Variants in LDB2 observed in about 807,000 individuals in gnomAD.
The protein encoded by LDB2 is LIM domain-binding protein 2.
Under a neutral mutation model 44.3 loss-of-function variants are expected in LDB2, and 12 were observed. The ratio of observed to expected loss-of-function variants is 0.27; its 90% CI spans 0.17 to 0.44. The LOEUF (loss-of-function observed/expected upper bound fraction) is 0.44, where lower values mean the gene tolerates loss of function less well. Ranked by LOEUF, LDB2 falls within the 20% of genes least tolerant of loss-of-function variation. LDB2 has a pLI of 1.00. For synonymous variants in LDB2, 164 were observed against 174.8 expected (o/e 0.94, Z 0.49); for missense variants, 344 against 473.5 (o/e 0.73, Z 2.54).
rs747097456 is a variant in LDB2 at position 16,655,896 on chromosome 4, C to CTTTTTTTTTTT, written c.236-60032_236-60022dup. Among the ~76,000 whole-genome samples, 489 of 93,306 alleles carry CTTTTTTTTTTT rather than the reference C, an allele frequency of 5.2e-3. 35 individuals are homozygous for CTTTTTTTTTTT. Among genetic ancestry groups the CTTTTTTTTTTT allele is most frequent in the African/African-American group, 8.0e-3 (183 of 22,778 alleles). 61.2% of individuals were successfully genotyped at this position (93,306 alleles called of 152,430 possible). A position where few individuals can be genotyped will look rare whatever the true frequency, so the allele number is the denominator to read the frequency against. ...AAACGTTGGTTGTTCTGCAAGAAAA[C>CTTTTTTTTTTT]TTTTTTTTTTTTTTTTTTTTTGAGA... On this transcript the variant is annotated intron_variant, in intron 2 of 7. Transcript: ENST00000304523.
chr4:16,570,504 A>AAAAAAAAAAAAAAAAAAAAG (rs1560506195), intron 5 of LDB2, among the ~76,000 whole-genome samples: 1 of 143,004 alleles, frequency 7.0e-6, no homozygotes, highest in African/African-American at 2.7e-5. Flanking sequence ...AAAAAAAAAA[A>AAAAAAAAAAAAAAAAAAAAG]GTTTACATCT....
rs958336448 is a variant in LDB2, at chr4:16,685,398, G to GT, written c.235+73759dup. Among the ~76,000 whole-genome samples the GT allele has an allele frequency of 5.3e-5, 8 of 151,682 alleles. No individual in the cohort carries two copies. In the Middle Eastern group the frequency reaches 0.017, roughly 322 times the overall value. ...TTTTTTTTGTTTTGTTTTGTTTTTT[G>GT]TTTTTTTGTTTTGTTTTGTTTTGTT... On this transcript the variant is annotated intron_variant, in intron 2 of 7. Transcript: ENST00000304523.
intron 1 of LDB2, among the ~76,000 whole-genome samples, chr4:16,851,855 C>A (rs1248112924): frequency 6.6e-6 from 1 of 152,158 alleles, no homozygotes; most frequent in Non-Finnish European, 1.5e-5. Context: ...GAGAGAGGAT[C>A]AAAGTAAGGT....
chr4:16,666,690 C>A (rs1743330892), intron 2 of LDB2, among the ~76,000 whole-genome samples: 1 of 152,148 alleles, frequency 6.6e-6, no homozygotes, highest in Admixed American at 6.5e-5. Context: ...GAGACATGCC[C>A]TTGGAAAGAA....
intron 5 of LDB2, among the ~76,000 whole-genome samples, chr4:16,585,430 A>G (rs1179120747): frequency 6.6e-6 from 1 of 152,098 alleles, no homozygotes; most frequent in Non-Finnish European, 1.5e-5. Context: ...TCTTTTACCC[A>G]CCACCAAATC....
chr4:16,771,527 A>G (rs1226866287), intron 1 of LDB2, among the ~76,000 whole-genome samples: 2 of 152,154 alleles, frequency 1.3e-5, no homozygotes, highest in Non-Finnish European at 2.9e-5. Context: ...AACATGGCCA[A>G]AGCCAGATAT....
intron 7 of LDB2, among the ~76,000 whole-genome samples, chr4:16,505,596 T>TCAA (rs1719082915): frequency 6.6e-6 from 1 of 152,032 alleles, no homozygotes. Flanking sequence ...TGATTAGGGG[T>TCAA]TGTTAGCAAC....
chr4:16,852,404 C>T (rs759759534), intron 1 of LDB2, among the ~76,000 whole-genome samples: 31 of 152,142 alleles, frequency 2.0e-4, no homozygotes, highest in South Asian at 2.1e-4. Context: ...ATCTGCAATG[C>T]AATGAAGTGG....
chr4:16,538,272 G>C (rs1410402416), intron 5 of LDB2, among the ~76,000 whole-genome samples: 1 of 152,206 alleles, frequency 6.6e-6, no homozygotes, highest in Non-Finnish European at 1.5e-5. Context: ...AATCAAGACT[G>C]ACTTTGTGCG....
chr4:16,522,618 G>A (rs2152278831), intron 5 of LDB2, among the ~76,000 whole-genome samples: 1 of 152,154 alleles, frequency 6.6e-6, no homozygotes, highest in Non-Finnish European at 1.5e-5. Context: ...TGGATGCTGA[G>A]GAACAACTCT....
intron 1 of LDB2, among the ~76,000 whole-genome samples, chr4:16,874,392 C>T (rs1053622211): frequency 1.3e-5 from 2 of 152,244 alleles, no homozygotes; most frequent in South Asian, 4.1e-4. Context: ...TCTGATGTCT[C>T]AATGCATGTT....
intron 7 of LDB2, chr4:16,506,934 T>A (rs1560300798): frequency 6.6e-6 from 1 of 152,236 alleles, no homozygotes; most frequent in Non-Finnish European, 1.5e-5. Flanking sequence ...AACTAACGAA[T>A]GTTACTGCCT....
At chr4:16,814,117 G>A (rs1345805222) in intron 1 of LDB2, among the ~76,000 whole-genome samples, 1 of 152,090 alleles carries the variant, frequency 6.6e-6, no homozygotes, top group African/African-American at 2.4e-5. Context: ...TGATCCGCCC[G>A]CCTCGGCCTT....
chr4:16,773,270 A>C (rs1447811710), intron 1 of LDB2, among the ~76,000 whole-genome samples: 1 of 152,094 alleles, frequency 6.6e-6, no homozygotes, highest in African/African-American at 2.4e-5. Flanking sequence ...TTTCACGGAC[A>C]CTCTGGGGGA....
intron 2 of LDB2, among the ~76,000 whole-genome samples, chr4:16,616,182 T>A (rs1727268394): frequency 6.6e-6 from 1 of 152,204 alleles, no homozygotes. Flanking sequence ...TGTCTTTTTG[T>A]TACTGGTTAT....
At chr4:16,570,239 G>A (rs544465589) in intron 5 of LDB2, among the ~76,000 whole-genome samples, 4 of 151,810 alleles carry the variant, frequency 2.6e-5, no homozygotes, top group South Asian at 2.1e-4. Flanking sequence ...TGAGGTGGGC[G>A]GATCACGAGG....
chr4:16,522,272 G>T (rs1297987487), intron 5 of LDB2, among the ~76,000 whole-genome samples: 1 of 138,232 alleles, frequency 7.2e-6, no homozygotes, highest in Non-Finnish European at 1.6e-5. Context: ...CCGTGTGTGT[G>T]TGTTTGTGTG....
At chr4:16,677,800 ATG>A (rs1168651896) in intron 2 of LDB2, among the ~76,000 whole-genome samples, 28 of 152,352 alleles carry the variant, frequency 1.8e-4, no homozygotes, top group African/African-American at 6.7e-4. Context: ...AAGCCAGGAC[ATG>A]TGTTTCCATT....
chr4:16,877,001 G>C (rs1000884299), intron 1 of LDB2, among the ~76,000 whole-genome samples: 3 of 151,454 alleles, frequency 2.0e-5, no homozygotes, highest in African/African-American at 7.3e-5. Context: ...TCCAACTCTT[G>C]GGCTGAAACA....
Sources: allele counts gnomAD v4.1 joint callset (sites outside exome capture counted in the v4.1 genomes callset), GRCh38; gene constraint gnomAD v4.1.1; transcripts MANE v1.5; gene names NCBI Gene and HGNC (gene_info 2026-07-23, HGNC 2026-07-21).